Variants in CDC5L observed in about 807,000 individuals in gnomAD.
CDC5L encodes cell division cycle 5 like.
In CDC5L, 18 loss-of-function variants were observed where a neutral mutation model predicts 104.1. That is an observed-to-expected ratio of 0.17 (90% CI 0.12 to 0.26). The LOEUF is 0.26. CDC5L is among the 10% of genes least tolerant of loss of function. CDC5L has a pLI of 1.00. For missense variants in CDC5L, 673 were observed against 956.9 expected, an observed-to-expected ratio of 0.70 and a Z score of 3.91; for synonymous variants, 331 against 322.7, an observed-to-expected ratio of 1.03 and a Z score of -0.28.
chr6:44,396,211 C>G (rs1259265326), intron 4 of CDC5L, 130 bp from the exon 5 acceptor site: 1 of 530,624 alleles, frequency 1.9e-6, no homozygotes, highest in African/African-American at 2.0e-5. Flanking sequence ...TTCCATTATG[C>G]TACACCATAA....
intron 4 of CDC5L, 68 bp from the exon 5 acceptor site, chr6:44,396,273 C>T: frequency 4.2e-6 from 4 of 960,546 alleles, no homozygotes; most frequent in East Asian, 2.5e-5. Flanking sequence ...GTGTCTCTTA[C>T]ATACCTTGCT....
intron 14 of CDC5L, among the ~76,000 whole-genome samples, chr6:44,437,019 A>T (rs575755172): frequency 1.3e-5 from 2 of 152,372 alleles, no homozygotes; most frequent in South Asian, 4.1e-4. Context: ...TAAGGTGTCC[A>T]TCAGGGCAGT....
At chr6:44,442,376 TG>T (rs1169019663) in intron 14 of CDC5L, among the ~76,000 whole-genome samples, 3 of 60,412 alleles carry the variant, frequency 5.0e-5, no homozygotes, top group African/African-American at 3.5e-4. Context: ...GTGTGTATGT[TG>T]TGTGTGTGTG....
At chr6:44,399,027 C>T (rs978021281) in intron 5 of CDC5L, among the ~76,000 whole-genome samples, 3 of 152,244 alleles carry the variant, frequency 2.0e-5, no homozygotes, top group African/African-American at 7.2e-5. Flanking sequence ...GTGCAGAGTT[C>T]ACTGCAGCCC....
At chr6:44,445,302 G>A (rs1793396034) in intron 14 of CDC5L, among the ~76,000 whole-genome samples, 1 of 152,056 alleles carries the variant, frequency 6.6e-6, no homozygotes, top group African/African-American at 2.4e-5. Flanking sequence ...GATGATGAAG[G>A]TGGCTTGCAG....
Position 44,445,663 on chromosome 6 carries a change from G to A in CDC5L, c.2100G>A (p.Arg700=), listed in dbSNP as rs1793417558. 1 of 1,612,950 alleles carries A rather than the reference G, an allele frequency of 6.2e-7. No homozygotes were observed. The change falls in exon 15 of 16, where the codon AGG becomes AGA. Residue 700 remains arginine (R), a synonymous_variant. Coordinates refer to ENST00000371477, the MANE Select transcript of CDC5L (RefSeq NM_001253.4). ...CTTCCCCTGCTCTCCAGATAAACAG[G>A]GGTCACATGACGACAGAAGCCAAGA... The part of the protein sequence containing the change: ...ESLEKRLEIN[R]GHMTTEAKRA...
intron 14 of CDC5L, among the ~76,000 whole-genome samples, chr6:44,435,342 A>G (rs887410611): frequency 1.3e-5 from 2 of 152,034 alleles, no homozygotes; most frequent in African/African-American, 4.8e-5. Flanking sequence ...TTAAAATACA[A>G]ACTGAGGAAA....
In CDC5L at chr6:44,447,734, T is replaced by TA. The variant is rs964627176; in HGVS notation, c.*1024dup. On this transcript the variant is annotated 3_prime_UTR_variant, in exon 16 of 16. Transcript: ENST00000371477. ...AAACAAAATAGGCCTAGTTCTTGTT[T>TA]AGTAGAGCTTATAGTCTTTTGAGAA... is the stretch of plus-strand genomic sequence containing the variant. 8 of 152,186 alleles carry TA rather than the reference T, an allele frequency of 5.3e-5. No individual in the cohort carries two copies. Among genetic ancestry groups the TA allele is most frequent in the African/African-American group, 1.7e-4 (7 of 41,442 alleles). The allele number at this position is 152,186 out of a possible 1,614,324, so 9.4% of individuals were successfully genotyped here. A position where few individuals can be genotyped will look rare whatever the true frequency, so the allele number is the denominator to read the frequency against.
At chr6:44,438,370 T>C (rs995380767) in intron 14 of CDC5L, among the ~76,000 whole-genome samples, 3 of 152,214 alleles carry the variant, frequency 2.0e-5, no homozygotes, top group Non-Finnish European at 2.9e-5. Flanking sequence ...ATACCTAGCT[T>C]GTGTAATGAC....
At chr6:44,394,898 A>G (rs1165387770) in intron 4 of CDC5L, among the ~76,000 whole-genome samples, 2 of 10,126 alleles carry the variant, frequency 2.0e-4, no homozygotes, top group East Asian at 5.4e-4. Context: ...GTATACACAC[A>G]CACACACACA....
At chr6:44,403,357 C>T (rs1267348783) in intron 5 of CDC5L, among the ~76,000 whole-genome samples, 2 of 149,226 alleles carry the variant, frequency 1.3e-5, no homozygotes, top group African/African-American at 2.5e-5. Context: ...TTTGCTTAGA[C>T]TGTTTATATT....
chr6:44,422,407 A>C (rs577688299), intron 9 of CDC5L, among the ~76,000 whole-genome samples: 1 of 152,370 alleles, frequency 6.6e-6, no homozygotes, highest in Non-Finnish European at 1.5e-5. Context: ...TAGTTTAGGA[A>C]GGCAAGAAAA....
At chr6:44,406,681 C>T (rs914785758) in intron 7 of CDC5L, among the ~76,000 whole-genome samples, 20 of 152,076 alleles carry the variant, frequency 1.3e-4, no homozygotes, top group African/African-American at 4.6e-4. Flanking sequence ...CCAGGACGGG[C>T]GGATCACCTG....
chr6:44,430,085 T>G (rs567727991), intron 14 of CDC5L, among the ~76,000 whole-genome samples, 175 bp downstream of exon 14: 2 of 152,128 alleles, frequency 1.3e-5, no homozygotes, highest in South Asian at 2.1e-4. Context: ...CATTGTTTTT[T>G]TTTGTTTGTT....
At chr6:44,394,891 TACACACACACAC>T (rs57508430) in intron 4 of CDC5L, among the ~76,000 whole-genome samples, 70 of 126,010 alleles carry the variant, frequency 5.6e-4, no homozygotes, top group African/African-American at 2.1e-3. Flanking sequence ...AAAAATGGTA[TACACACACACAC>T]ACACACACAC....
At chr6:44,445,516 T>TA (rs1420836957) in intron 14 of CDC5L, 139 bp from the exon 15 acceptor site, 1 of 614,846 alleles carries the variant, frequency 1.6e-6, no homozygotes, top group African/African-American at 1.9e-5. Context: ...GATATTTTGT[T>TA]ACAGTAATTG....
chr6:44,417,251 G>A (rs1791949715), intron 8 of CDC5L, among the ~76,000 whole-genome samples: 1 of 152,232 alleles, frequency 6.6e-6, no homozygotes, highest in African/African-American at 2.4e-5. Flanking sequence ...CTGTTGGTGG[G>A]GTGGGTCCTC....
chr6:44,395,844 C>T (rs1299007239), intron 4 of CDC5L, among the ~76,000 whole-genome samples: 8 of 151,332 alleles, frequency 5.3e-5, no homozygotes, highest in African/African-American at 1.5e-4. Flanking sequence ...TATAGAGCCA[C>T]GAAAAATGTA....
At chr6:44,397,066 T>C (rs1418836394) in intron 5 of CDC5L, among the ~76,000 whole-genome samples, 1 of 152,220 alleles carries the variant, frequency 6.6e-6, no homozygotes, top group East Asian at 1.9e-4. Flanking sequence ...GATTACATCA[T>C]TGGCCATTGC....
Sources: allele counts gnomAD v4.1 joint callset (sites outside exome capture counted in the v4.1 genomes callset), GRCh38; gene constraint gnomAD v4.1.1; transcripts MANE v1.5; gene names NCBI Gene and HGNC (gene_info 2026-07-23, HGNC 2026-07-21).